CACTIN: variants seen among roughly 807,000 people sequenced by gnomAD.
The protein encoded by CACTIN is splicing factor Cactin.
CACTIN carries 20 observed loss-of-function variants against 84.9 expected under a neutral mutation model. The observed-to-expected ratio is 0.24, with a 90% CI of 0.17 to 0.34. The LOEUF (loss-of-function observed/expected upper bound fraction) is 0.34. Among genes scored for constraint, CACTIN ranks in the 10% least tolerant of loss-of-function variants. The probability of loss-of-function intolerance (pLI) is 1.00; values close to 1 mark genes in which losing one functional copy is unlikely to be tolerated. For missense variants in CACTIN, 897 were observed against 1,117.2 expected (o/e 0.80, Z 2.81); for synonymous variants, 549 against 467.9 (o/e 1.17, Z -2.24).
Position 3,619,257 on chromosome 19 carries a change from G to A in CACTIN, c.885-15C>T, listed in dbSNP as rs376300913. The A allele has an allele frequency of 1.2e-6, 2 of 1,610,654 alleles. No individual in the cohort carries two copies. The highest frequency in any genetic ancestry group is 2.2e-5 in the South Asian group (2 of 90,760). ...GGATCTTGGAACTGTGGGGAGCAGG[G>A]GAAGGTGGCATCAGAGCCTGGGCTG... On this transcript the variant is annotated splice_polypyrimidine_tract_variant and intron_variant, in intron 4 of 9. Coordinates refer to ENST00000429344, the MANE Select transcript of CACTIN (RefSeq NM_001080543.2).
Position 3,619,066 on chromosome 19 carries a change from G to A in CACTIN, c.1047+14C>T. 1 of 1,552,144 alleles carries A rather than the reference G, an allele frequency of 6.4e-7. No homozygotes were observed. Among genetic ancestry groups the A allele is most frequent in the Non-Finnish European group, 8.7e-7 (1 of 1,147,388 alleles). On this transcript the variant is annotated intron_variant, in intron 5 of 9. Coordinates refer to ENST00000429344, the MANE Select transcript of CACTIN (RefSeq NM_001080543.2). ...AGGGTGCAGGTCAGAGGAGCATCGG[G>A]TGGGGCTGGGTACCTGGATATCCTC...
chr19:3,618,063 C>A (rs2033141900), intron 6 of CACTIN, among the ~76,000 whole-genome samples: 1 of 152,062 alleles, frequency 6.6e-6, no homozygotes, highest in African/African-American at 2.4e-5. Context: ...AGGGGAAGGA[C>A]CGGGTCTATC....
At chr19:3,618,655 C>T (rs2033158149) in intron 6 of CACTIN, among the ~76,000 whole-genome samples, 1 of 152,238 alleles carries the variant, frequency 6.6e-6, no homozygotes, top group South Asian at 2.1e-4. Flanking sequence ...GGTCTGGACG[C>T]TGCTGGCCCT....
At chr19:3,614,301 G>A in intron 7 of CACTIN, 96 bp downstream of exon 7, 2 of 1,242,476 alleles carry the variant, frequency 1.6e-6, no homozygotes, top group East Asian at 2.5e-5. Context: ...CATGGTCCCA[G>A]GAGGAGGCGA....
intron 1 of CACTIN, among the ~76,000 whole-genome samples, chr19:3,624,702 G>A (rs1398799667): frequency 1.3e-5 from 2 of 152,042 alleles, no homozygotes; most frequent in Admixed American, 6.6e-5. Context: ...CAGGGGACCC[G>A]AACACATTTA....
At chr19:3,618,659 T>C (rs1276842370) in intron 6 of CACTIN, among the ~76,000 whole-genome samples, 1 of 152,240 alleles carries the variant, frequency 6.6e-6, no homozygotes, top group Non-Finnish European at 1.5e-5. Context: ...TGGACGCTGC[T>C]GGCCCTGCAC....
intron 6 of CACTIN, among the ~76,000 whole-genome samples, chr19:3,618,455 C>T (rs2033153309): frequency 6.6e-6 from 1 of 152,214 alleles, no homozygotes; most frequent in African/African-American, 2.4e-5. Flanking sequence ...AAAAGCCCAT[C>T]AGGTTGGAGG....
chr19:3,625,939 G>A (rs1389295730), intron 1 of CACTIN, among the ~76,000 whole-genome samples: 2 of 152,152 alleles, frequency 1.3e-5, no homozygotes, highest in Non-Finnish European at 2.9e-5. Context: ...AAGGACCATG[G>A]GGAAGCTGAG....
chr19:3,620,115 GC>G lies in CACTIN; in HGVS notation c.884+11del. On this transcript the variant is annotated intron_variant, in intron 4 of 9. Transcript: ENST00000429344. Reference sequence around the variant, plus strand: ...AAGTCTGGGTCGGAGGGAGGGGGAGGCCCCAGCGCACCGCAGCTTGGCCTGC... The same window carrying G: ...AAGTCTGGGTCGGAGGGAGGGGGAGGCCCAGCGCACCGCAGCTTGGCCTGC... The G allele has an allele frequency of 1.2e-6, 2 of 1,608,768 alleles. No individual in the cohort carries two copies.
chr19:3,622,290 G>C (rs1022839584), intron 2 of CACTIN, among the ~76,000 whole-genome samples: 5 of 150,866 alleles, frequency 3.3e-5, no homozygotes, highest in Non-Finnish European at 7.4e-5. Context: ...CTTGAACCCA[G>C]GAAGCGGAGG....
chr19:3,614,923 T>G (rs577381000), intron 6 of CACTIN: 2 of 396,894 alleles, frequency 5.0e-6, no homozygotes, highest in African/African-American at 4.1e-5. Flanking sequence ...GGAACCCTAG[T>G]TGTGGGCCCG....
chr19:3,620,633 G>A (rs2033203710), intron 3 of CACTIN, 74 bp downstream of exon 3: 13 of 1,247,612 alleles, frequency 1.0e-5, no homozygotes, highest in Middle Eastern at 2.4e-4. Context: ...AGCCCCTCAA[G>A]TCCTGCCAAA....
chr19:3,611,761 T>C lies in CACTIN; in HGVS notation c.*162A>G, dbSNP rs745612216. 2 of 905,854 alleles carry C rather than the reference T, an allele frequency of 2.2e-6. No homozygotes were observed. The highest frequency in any genetic ancestry group is 1.6e-5 in the African/African-American group (1 of 61,220). 56.1% of individuals were successfully genotyped at this position (905,854 alleles called of 1,614,324 possible). ...AGGCTCAATGGTGACCCCCCTTTTA[T>C]ATAGGAGGAAACTGAGGCCTGGCGA... On this transcript the variant is annotated 3_prime_UTR_variant, in exon 10 of 10. Coordinates refer to ENST00000429344, the MANE Select transcript of CACTIN (RefSeq NM_001080543.2).
intron 6 of CACTIN, among the ~76,000 whole-genome samples, chr19:3,617,833 C>T (rs1246950978): frequency 1.3e-5 from 2 of 152,210 alleles, no homozygotes; most frequent in East Asian, 1.9e-4. Context: ...TCTGAGGTTA[C>T]GGGAGAATGT....
Position 3,614,572 on chromosome 19 carries a change from C to T in CACTIN, c.1180G>A (p.Val394Ile), listed in dbSNP as rs1220132648. Reference protein sequence around the residue: ...GKGPGERREGVNASVSSDVQS... With the variant: ...GKGPGERREGINASVSSDVQS... The stretch of plus-strand genomic sequence containing the variant: ...ACATCAGAGCTGACGGAGGCGTTGA[C>T]CCCCTCGCGGCGCTCACCTGCAGCG... Residue 394 changes from valine (V) to isoleucine (I), a missense_variant, in exon 7 of 10, where the codon GTC (valine) becomes ATC (isoleucine). By Grantham distance (29) the Val-to-Ile change is conservative (BLOSUM62 3). Around this residue, in one of 8 missense-constraint regions of CACTIN, gnomAD observed 304 missense variants for 444.3 expected, o/e 0.68. Transcript: ENST00000429344. 5 of 1,604,246 alleles carry T rather than the reference C, an allele frequency of 3.1e-6. No individual in the cohort carries two copies. The highest frequency in any genetic ancestry group is 1.1e-5 in the South Asian group (1 of 89,414).
chr19:3,619,205 T>C lies in CACTIN; in HGVS notation c.922A>G (p.Ile308Val). 6.2e-7 allele frequency: 1 copy of C among 1,613,642 alleles called. No homozygotes were observed. The highest frequency in any genetic ancestry group is 8.5e-7 in the Non-Finnish European group (1 of 1,179,826). The change falls in exon 5 of 10, where the codon ATC becomes GTC. Residue 308 changes from isoleucine to valine, a missense_variant. Ile to Val is a conservative substitution (Grantham distance 29). This residue lies in a region of CACTIN where 304 missense variants were observed against 444.3 expected (regional missense o/e 0.68). Transcript: ENST00000429344. Reference sequence around the variant, plus strand: ...CTGATGTACTTGGCCAGCAGGTCGATGGGCTTGGCCCGCCCGTCCCGGATG... The same window carrying C: ...CTGATGTACTTGGCCAGCAGGTCGACGGGCTTGGCCCGCCCGTCCCGGATG... ...IRIRDGRAKP[I>V]DLLAKYISAE...
chr19:3,614,972 AGT>A (rs1015069080), intron 6 of CACTIN: 2 of 340,774 alleles, frequency 5.9e-6, no homozygotes, highest in Non-Finnish European at 1.1e-5. Context: ...GGCCTTGGGC[AGT>A]CCATGAGGGG....
At chr19:3,620,881 T>C (rs1249862354) in intron 2 of CACTIN, 79 bp from the exon 3 acceptor site, 9 of 1,120,080 alleles carry the variant, frequency 8.0e-6, no homozygotes, top group African/African-American at 3.1e-5. Flanking sequence ...TCCAAGAGAT[T>C]GACCAGGGCC....
rs138387745 is a variant in CACTIN at position 3,619,645 on chromosome 19, G to C, written c.885-403C>G. Among the ~76,000 whole-genome samples the C allele has an allele frequency of 2.0e-3, 304 of 152,300 alleles. 1 individual carries two copies. The highest frequency in any genetic ancestry group is 6.4e-3 in the African/African-American group (266 of 41,568). On this transcript the variant is annotated intron_variant, in intron 4 of 9. Transcript: ENST00000429344. ...ACCTCCTCCCCCAGGCAGACCACTC[G>C]GGGCAGAGAGCCGGGTTTCTGTTCT...
Sources: gnomAD v4.1 joint callset for allele counts (sites outside exome capture counted in the v4.1 genomes callset) on GRCh38, gnomAD v4.1.1 for gene constraint, gnomAD v4.1.1 regional missense constraint, MANE v1.5 for transcripts, NCBI Gene and HGNC (gene_info 2026-07-23, HGNC 2026-07-21) for gene names.